The following ADCY8 variants were observed in gnomAD, a reference collection of about 807,000 sequenced individuals.
The protein encoded by ADCY8 is adenylate cyclase type 8.
ADCY8 carries 51 observed loss-of-function variants against 119.7 expected under a neutral mutation model. The ratio of observed to expected loss-of-function variants is 0.43; its 90% CI spans 0.34 to 0.54. ADCY8 has a LOEUF of 0.54. Among genes scored for constraint, ADCY8 ranks in the 20% least tolerant of loss-of-function variants. ADCY8 has a pLI of 0.03. For missense variants in ADCY8, 1,383 were observed against 1,598.8 expected, an observed-to-expected ratio of 0.87 and a Z score of 2.30; for synonymous variants, 665 against 651.0, an observed-to-expected ratio of 1.02 and a Z score of -0.33.
intron 9 of ADCY8, among the ~76,000 whole-genome samples, chr8:130,856,831 T>C (rs1316904575): frequency 6.6e-6 from 1 of 152,008 alleles, no homozygotes; most frequent in Non-Finnish European, 1.5e-5. Context: ...TGTCATCTTT[T>C]TTTTTTGTCT....
At chr8:130,871,790 C>G (rs1818368011) in intron 8 of ADCY8, among the ~76,000 whole-genome samples, 1 of 152,026 alleles carries the variant, frequency 6.6e-6, no homozygotes, top group African/African-American at 2.4e-5. Context: ...GAAGAAGACC[C>G]CACTCTCATT....
chr8:130,815,163 G>C (rs1816297626), intron 13 of ADCY8, among the ~76,000 whole-genome samples: 1 of 152,166 alleles, frequency 6.6e-6, no homozygotes, highest in Non-Finnish European at 1.5e-5. Context: ...CAAGCAGGTA[G>C]CCAGCCATCT....
intron 2 of ADCY8, among the ~76,000 whole-genome samples, chr8:130,965,507 A>G (rs1821735211): frequency 6.6e-6 from 1 of 152,194 alleles, no homozygotes; most frequent in African/African-American, 2.4e-5. Flanking sequence ...AATAAAATAA[A>G]TAAACCTGTG....
At chr8:130,982,186 A>G (rs1822260562) in intron 2 of ADCY8, among the ~76,000 whole-genome samples, 1 of 152,222 alleles carries the variant, frequency 6.6e-6, no homozygotes, top group Admixed American at 6.5e-5. Context: ...AATGAAGTCA[A>G]TTGTTACAGG....
intron 5 of ADCY8, among the ~76,000 whole-genome samples, chr8:130,912,357 T>A (rs1820007294): frequency 6.6e-6 from 1 of 152,192 alleles, no homozygotes; most frequent in South Asian, 2.1e-4. Context: ...GATGGGTGGA[T>A]GCCTGGGTGT....
intron 2 of ADCY8, among the ~76,000 whole-genome samples, chr8:130,989,493 T>C (rs1191048528): frequency 1.3e-5 from 2 of 152,132 alleles, no homozygotes; most frequent in Non-Finnish European, 2.9e-5. Flanking sequence ...TAATAAGACA[T>C]AACTTTAAGA....
intron 7 of ADCY8, among the ~76,000 whole-genome samples, chr8:130,885,228 T>G (rs34117152): frequency 5.3e-4 from 67 of 127,146 alleles, no homozygotes; most frequent in Non-Finnish European, 8.3e-4. Context: ...CTTGCATTTT[T>G]TTTTTTTTTA....
At chr8:130,985,564 G>T (rs1051342328) in intron 2 of ADCY8, among the ~76,000 whole-genome samples, 1 of 152,156 alleles carries the variant, frequency 6.6e-6, no homozygotes, top group Admixed American at 6.5e-5. Flanking sequence ...AGTATAATGA[G>T]AAGACCCATC....
chr8:130,968,443 T>C (rs953828001), intron 2 of ADCY8, among the ~76,000 whole-genome samples: 2 of 152,174 alleles, frequency 1.3e-5, no homozygotes, highest in Non-Finnish European at 2.9e-5. Context: ...AGTGCTGGGA[T>C]TACAGGCGTG....
chr8:130,933,257 C>G (rs1820688793), intron 5 of ADCY8, among the ~76,000 whole-genome samples: 1 of 152,142 alleles, frequency 6.6e-6, no homozygotes. Flanking sequence ...ATGAACATTT[C>G]CAGTCTTTAT....
intron 9 of ADCY8, among the ~76,000 whole-genome samples, chr8:130,851,851 C>T (rs1391819293): frequency 6.6e-6 from 1 of 152,130 alleles, no homozygotes; most frequent in African/African-American, 2.4e-5. Context: ...TGATTTTGGA[C>T]ACAATGCATG....
At chr8:131,017,686 C>T (rs1371518001) in intron 1 of ADCY8, among the ~76,000 whole-genome samples, 1 of 152,198 alleles carries the variant, frequency 6.6e-6, no homozygotes, top group Admixed American at 6.5e-5. Context: ...ATGTCCCCAC[C>T]ACCTGCAAGG....
intron 7 of ADCY8, among the ~76,000 whole-genome samples, chr8:130,890,286 C>T (rs111438257): frequency 0.013 from 1,984 of 152,052 alleles, 46 homozygotes; most frequent in African/African-American, 0.045. Context: ...ACCAACATGG[C>T]ACATGTATAC....
intron 17 of ADCY8, among the ~76,000 whole-genome samples, chr8:130,783,350 G>A (rs991302155): frequency 2.0e-5 from 3 of 152,216 alleles, no homozygotes; most frequent in Admixed American, 6.5e-5. Flanking sequence ...CTACCCAGGA[G>A]TCAGAATTAA....
chr8:130,954,461 C>T (rs991401379), intron 2 of ADCY8, among the ~76,000 whole-genome samples: 4 of 152,256 alleles, frequency 2.6e-5, no homozygotes, highest in African/African-American at 4.8e-5. Flanking sequence ...TTTGAAGGTT[C>T]ATAAAAGTGC....
rs180949378 is a variant in ADCY8, at chr8:131,036,711, C to T, written c.960+2663G>A. On this transcript the variant is annotated intron_variant, in intron 1 of 17. Coordinates refer to ENST00000286355, the MANE Select transcript of ADCY8 (RefSeq NM_001115.3). ...GAGAGTCTGGAACAATGAGAATGTG[C>T]CAGTCTTATAAAGACTTGGGAAAAG... Among the ~76,000 whole-genome samples, 500 of 152,152 alleles carry T rather than the reference C, an allele frequency of 3.3e-3. 1 individual carries two copies. Among genetic ancestry groups the T allele is most frequent in the African/African-American group, 0.012 (486 of 41,512 alleles).
At chr8:130,943,039 G>A (rs1036519844) in intron 4 of ADCY8, among the ~76,000 whole-genome samples, 6 of 152,164 alleles carry the variant, frequency 3.9e-5, no homozygotes, top group Non-Finnish European at 7.4e-5. Flanking sequence ...AGCTGCAGCT[G>A]GATGGCACCT....
At chr8:130,999,655 C>A (rs1056186850) in intron 1 of ADCY8, among the ~76,000 whole-genome samples, 2 of 152,162 alleles carry the variant, frequency 1.3e-5, no homozygotes, top group African/African-American at 2.4e-5. Context: ...CAGTCTGCAG[C>A]CCAAGCTGTT....
At chr8:130,814,337 G>T in intron 13 of ADCY8, 110 bp from the exon 14 acceptor site, 1 of 1,143,646 alleles carries the variant, frequency 8.7e-7, no homozygotes, top group Non-Finnish European at 1.2e-6. Context: ...CTTCACAAAT[G>T]AAACAGAGCC....
Sources: gnomAD v4.1 joint callset for allele counts (sites outside exome capture counted in the v4.1 genomes callset) on GRCh38, gnomAD v4.1.1 for gene constraint, MANE v1.5 for transcripts, NCBI Gene and HGNC (gene_info 2026-07-23, HGNC 2026-07-21) for gene names.